CWC27: variants seen among roughly 807,000 people sequenced by gnomAD.
The protein encoded by CWC27 is spliceosome-associated protein CWC27 homolog.
CWC27 carries 47 observed loss-of-function variants against 63.6 expected under a neutral mutation model. The ratio of observed to expected loss-of-function variants is 0.74; its 90% confidence interval spans 0.58 to 0.94. CWC27 has a LOEUF of 0.94. CWC27 is among the 40% of genes least tolerant of loss of function. CWC27 has a pLI of 0.00. For synonymous variants in CWC27, 175 were observed against 179.8 expected (o/e 0.97, Z 0.22); for missense variants, 495 against 554.3 (o/e 0.89, Z 1.07).
At chr5:64,846,771 ATCACT>A (rs1288176290) in intron 10 of CWC27, among the ~76,000 whole-genome samples, 1 of 152,170 alleles carries the variant, frequency 6.6e-6, no homozygotes, top group Non-Finnish European at 1.5e-5. Flanking sequence ...AGGCAGGCGG[ATCACT>A]TGAGGTCAGG....
chr5:64,993,716 A>G (rs1749582491), intron 13 of CWC27, among the ~76,000 whole-genome samples: 1 of 151,860 alleles, frequency 6.6e-6, no homozygotes, highest in Admixed American at 6.6e-5. Context: ...AAAGCTATGC[A>G]TTCATAAGTT....
At chr5:64,988,602 A>ATTT (rs34138527) in intron 13 of CWC27, among the ~76,000 whole-genome samples, 2 of 126,984 alleles carry the variant, frequency 1.6e-5, no homozygotes, top group African/African-American at 3.0e-5. Context: ...CTGTTAGACT[A>ATTT]TTTTTTTTTT....
chr5:64,971,547 A>C (rs1749124836), intron 11 of CWC27, among the ~76,000 whole-genome samples, 156 bp from the exon 12 acceptor site: 1 of 152,238 alleles, frequency 6.6e-6, no homozygotes, highest in Admixed American at 6.5e-5. Flanking sequence ...AAGTAGTTAC[A>C]GAGCTGGTGG....
chr5:64,772,202 T>G (rs1348129489), intron 1 of CWC27, among the ~76,000 whole-genome samples: 6 of 152,190 alleles, frequency 3.9e-5, no homozygotes. Context: ...GTGTGTTCAT[T>G]AGAGCAGTGG....
intron 10 of CWC27, 55 bp downstream of exon 10, chr5:64,804,441 T>C (rs919537940): frequency 2.8e-6 from 4 of 1,453,682 alleles, no homozygotes; most frequent in African/African-American, 2.9e-5. Context: ...TATTTCACTT[T>C]AATTCAGATT....
At chr5:64,879,743 G>C (rs1162573697) in intron 10 of CWC27, among the ~76,000 whole-genome samples, 1 of 150,852 alleles carries the variant, frequency 6.6e-6, no homozygotes, top group Non-Finnish European at 1.5e-5. Flanking sequence ...AAAATGGGTG[G>C]ATAGTGGGTT....
intron 11 of CWC27, among the ~76,000 whole-genome samples, chr5:64,905,688 T>C (rs1389352453): frequency 6.6e-6 from 1 of 152,116 alleles, no homozygotes; most frequent in Non-Finnish European, 1.5e-5. Flanking sequence ...TTCTTTATAT[T>C]ATTATTACAC....
intron 11 of CWC27, among the ~76,000 whole-genome samples, chr5:64,888,443 A>T (rs1042144912): frequency 6.8e-6 from 1 of 147,360 alleles, no homozygotes; most frequent in African/African-American, 2.5e-5. Context: ...AACATATATA[A>T]ATAATGTATA....
chr5:64,952,229 A>T (rs992272599), intron 11 of CWC27, among the ~76,000 whole-genome samples: 13 of 152,048 alleles, frequency 8.5e-5, no homozygotes, highest in Non-Finnish European at 1.3e-4. Flanking sequence ...ACAAGAAAAA[A>T]GTCTGCACAT....
At chr5:64,947,619 T>C (rs1367356347) in intron 11 of CWC27, among the ~76,000 whole-genome samples, 1 of 152,142 alleles carries the variant, frequency 6.6e-6, no homozygotes, top group Admixed American at 6.6e-5. Flanking sequence ...ATTAACAGAA[T>C]TGGATAAGCT....
chr5:64,951,027 T>A (rs1315719842), intron 11 of CWC27, among the ~76,000 whole-genome samples: 2 of 151,992 alleles, frequency 1.3e-5, no homozygotes, highest in African/African-American at 4.8e-5. Context: ...AGTTGATGAA[T>A]ACTTATGTTA....
chr5:64,819,951 T>C (rs1745147541), intron 10 of CWC27, among the ~76,000 whole-genome samples: 2 of 152,198 alleles, frequency 1.3e-5, no homozygotes, highest in Admixed American at 6.5e-5. Flanking sequence ...CATTCAGAGC[T>C]TTTTGCTATT....
chr5:64,962,225 T>C (rs192541631), intron 11 of CWC27, among the ~76,000 whole-genome samples: 189 of 152,302 alleles, frequency 1.2e-3, no homozygotes, highest in African/African-American at 4.3e-3. Flanking sequence ...AAAACTTTCT[T>C]CTCCTACAAA....
intron 11 of CWC27, among the ~76,000 whole-genome samples, chr5:64,887,459 C>T (rs757912485): frequency 5.3e-5 from 8 of 152,112 alleles, no homozygotes; most frequent in East Asian, 1.9e-4. Context: ...CCCCCGCCTT[C>T]GGGTTCAAGT....
rs192108608 is a variant in CWC27 at position 64,892,470 on chromosome 5, A to T, written c.1042+6924A>T. Among the ~76,000 whole-genome samples, 24 of 152,326 alleles carry T rather than the reference A, an allele frequency of 1.6e-4. No individual in the cohort carries two copies. In the East Asian group the frequency reaches 4.6e-3, roughly 29 times the overall value. On this transcript the variant is annotated intron_variant, in intron 11 of 13. Coordinates refer to ENST00000381070, the MANE Select transcript of CWC27 (RefSeq NM_005869.4). ...AGGTTAAAAAGAAAGATTACCCCAT[A>T]ATACTTCGCCAAAGATAACCAGTTA... is the stretch of plus-strand genomic sequence containing the variant.
chr5:64,780,567 A>G (rs1044301210), intron 2 of CWC27, among the ~76,000 whole-genome samples: 34 of 148,244 alleles, frequency 2.3e-4, no homozygotes, highest in African/African-American at 7.8e-4. Flanking sequence ...AACAATATAT[A>G]TCAAAATTAC....
intron 10 of CWC27, among the ~76,000 whole-genome samples, chr5:64,831,086 C>A (rs1262775620): frequency 6.6e-6 from 1 of 151,996 alleles, no homozygotes; most frequent in African/African-American, 2.4e-5. Flanking sequence ...TTGAGCCACA[C>A]ATTTGATTTT....
intron 10 of CWC27, among the ~76,000 whole-genome samples, chr5:64,867,899 TA>T (rs1340598346): frequency 6.6e-6 from 1 of 150,958 alleles, no homozygotes; most frequent in Non-Finnish European, 1.5e-5. Flanking sequence ...CTTCAAGAGA[TA>T]AATCCAGAAC....
At chr5:64,833,794 CT>C (rs896822284) in intron 10 of CWC27, among the ~76,000 whole-genome samples, 4 of 151,576 alleles carry the variant, frequency 2.6e-5, no homozygotes, top group Non-Finnish European at 5.9e-5. Flanking sequence ...CAAAATTATT[CT>C]TTCCTTAAGT....
Sources: gnomAD v4.1 joint callset for allele counts (sites outside exome capture counted in the v4.1 genomes callset) on GRCh38, gnomAD v4.1.1 for gene constraint, MANE v1.5 for transcripts, NCBI Gene and HGNC (gene_info 2026-07-23, HGNC 2026-07-21) for gene names.